The following DLGAP1 variants were observed in gnomAD, a reference collection of about 807,000 sequenced individuals.
The protein encoded by DLGAP1 is DLG associated protein 1.
Under a neutral mutation model 90.8 loss-of-function variants are expected in DLGAP1, and 11 were observed. That is an observed-to-expected ratio of 0.12 (90% CI 0.08 to 0.20). DLGAP1 has a LOEUF of 0.20. DLGAP1 is among the 10% of genes least tolerant of loss of function. The probability of loss-of-function intolerance (pLI) is 1.00; values close to 1 mark genes in which losing one functional copy is unlikely to be tolerated. For missense variants in DLGAP1, 1,050 were observed against 1,333.8 expected (o/e 0.79, Z 3.31); for synonymous variants, 558 against 540.7 (o/e 1.03, Z -0.44).
intron 2 of DLGAP1, among the ~76,000 whole-genome samples, chr18:4,012,897 G>A (rs1286735813): frequency 6.6e-6 from 1 of 151,908 alleles, no homozygotes; most frequent in Non-Finnish European, 1.5e-5. Flanking sequence ...GAGACAGGGG[G>A]TCTCATTATG....
intron 1 of DLGAP1, among the ~76,000 whole-genome samples, chr18:4,437,198 T>A (rs2083420983): frequency 6.6e-6 from 1 of 152,218 alleles, no homozygotes; most frequent in Non-Finnish European, 1.5e-5. Context: ...GACAGAGATT[T>A]TTAATGCAAC....
intron 7 of DLGAP1, among the ~76,000 whole-genome samples, chr18:3,665,802 GCT>G (rs1289136325): frequency 6.6e-6 from 1 of 152,154 alleles, no homozygotes; most frequent in Non-Finnish European, 1.5e-5. Flanking sequence ...ACATTCTGAG[GCT>G]CTGCCCATTT....
In DLGAP1 at chr18:4,164,147, A is replaced by G. The variant is rs188478221; in HGVS notation, c.-266-12860T>C. Among the ~76,000 whole-genome samples the G allele has an allele frequency of 3.1e-3, 473 of 152,294 alleles. 1 individual carries two copies. The highest frequency in any genetic ancestry group is 4.5e-3 in the Non-Finnish European group (309 of 68,026). ...AAGTAGGCCAGAACCTGCACGCTAAACATAACAGTGTGAGTCCTCACTAAA... is the reference window on the plus strand; with the variant it reads ...AAGTAGGCCAGAACCTGCACGCTAAGCATAACAGTGTGAGTCCTCACTAAA... On this transcript the variant is annotated intron_variant, in intron 1 of 12. Coordinates refer to ENST00000315677, the MANE Select transcript of DLGAP1 (RefSeq NM_004746.4).
chr18:3,990,056 A>C (rs1280364211), intron 3 of DLGAP1, among the ~76,000 whole-genome samples: 3 of 152,192 alleles, frequency 2.0e-5, no homozygotes, highest in Admixed American at 6.5e-5. Flanking sequence ...TAGTTCAACC[A>C]TTGTGGAAGT....
intron 1 of DLGAP1, among the ~76,000 whole-genome samples, chr18:4,158,307 A>G (rs890278368): frequency 3.3e-5 from 5 of 152,186 alleles, no homozygotes; most frequent in African/African-American, 9.7e-5. Flanking sequence ...AACATGAAAT[A>G]TCAAATAAAA....
intron 1 of DLGAP1, among the ~76,000 whole-genome samples, chr18:4,312,818 T>C (rs1488465584): frequency 1.3e-5 from 2 of 152,232 alleles, no homozygotes; most frequent in Non-Finnish European, 2.9e-5. Context: ...TCCTAAGTTT[T>C]ACTAGAATTT....
At chr18:4,329,068 T>C (rs1472949545) in intron 1 of DLGAP1, among the ~76,000 whole-genome samples, 1 of 151,936 alleles carries the variant, frequency 6.6e-6, no homozygotes, top group East Asian at 1.9e-4. Flanking sequence ...CATTTTCTTT[T>C]ATGACTTGTG....
intron 1 of DLGAP1, among the ~76,000 whole-genome samples, chr18:4,422,515 T>C (rs2083063220): frequency 6.6e-6 from 1 of 152,034 alleles, no homozygotes; most frequent in Non-Finnish European, 1.5e-5. Flanking sequence ...AAAAAGTGAA[T>C]ATATTTGTTA....
intron 9 of DLGAP1, among the ~76,000 whole-genome samples, chr18:3,540,236 GC>G (rs1207892070): frequency 1.1e-4 from 16 of 151,996 alleles, no homozygotes; most frequent in Non-Finnish European, 7.4e-5. Context: ...GGAAGCCAAG[GC>G]GGGCAGATCA....
intron 2 of DLGAP1, among the ~76,000 whole-genome samples, chr18:4,141,768 T>G (rs115517541): frequency 0.018 from 2,779 of 151,992 alleles, 84 homozygotes; most frequent in African/African-American, 0.061. Flanking sequence ...GATGCATTCT[T>G]CAGTATGTCA....
At chr18:4,410,978 G>A (rs929933319) in intron 1 of DLGAP1, among the ~76,000 whole-genome samples, 10 of 152,134 alleles carry the variant, frequency 6.6e-5, no homozygotes, top group Non-Finnish European at 1.3e-4. Context: ...CCAATAAGTG[G>A]GTGATATGGG....
rs576932949 is a variant in DLGAP1, at chr18:3,919,104, A to G, written c.-72-38964T>C. On this transcript the variant is annotated intron_variant, in intron 3 of 12. Transcript: ENST00000315677. ...CGCCTGGATATAGGTAAGTTGATCAACAAGAAAGATTGGTCAAATGGCTTT... is the reference window on the plus strand; with the variant it reads ...CGCCTGGATATAGGTAAGTTGATCAGCAAGAAAGATTGGTCAAATGGCTTT... Among the ~76,000 whole-genome samples, 5 of 152,370 alleles carry G rather than the reference A, an allele frequency of 3.3e-5. No homozygotes were observed. The East Asian group carries it at 5.8e-4, about 18-fold the overall frequency.
chr18:4,429,425 A>AT (rs2083231132), intron 1 of DLGAP1, among the ~76,000 whole-genome samples: 1 of 152,228 alleles, frequency 6.6e-6, no homozygotes. Context: ...TAAAGTGAAC[A>AT]TTTATAAAGT....
intron 1 of DLGAP1, among the ~76,000 whole-genome samples, chr18:4,322,680 G>T (rs987544783): frequency 6.6e-6 from 1 of 152,120 alleles, no homozygotes; most frequent in Non-Finnish European, 1.5e-5. Flanking sequence ...ACTGCATAGA[G>T]GCCAGACGTG....
chr18:3,801,449 C>G (rs2066289056), intron 5 of DLGAP1, among the ~76,000 whole-genome samples: 1 of 152,136 alleles, frequency 6.6e-6, no homozygotes, highest in South Asian at 2.1e-4. Flanking sequence ...CAATTTGTCT[C>G]TCTCTATCTC....
intron 8 of DLGAP1, among the ~76,000 whole-genome samples, chr18:3,569,308 T>G (rs540490785): frequency 6.6e-6 from 1 of 152,082 alleles, no homozygotes; most frequent in South Asian, 2.1e-4. Flanking sequence ...ACAAAAATAT[T>G]TATTGACTTC....
At chr18:4,316,099 T>G (rs2080520045) in intron 1 of DLGAP1, among the ~76,000 whole-genome samples, 1 of 152,226 alleles carries the variant, frequency 6.6e-6, no homozygotes, top group Admixed American at 6.5e-5. Flanking sequence ...TAACTACTAG[T>G]TGAAAATATG....
At chr18:3,600,793 G>A (rs374217850) in intron 7 of DLGAP1, among the ~76,000 whole-genome samples, 1 of 29,190 alleles carries the variant, frequency 3.4e-5, no homozygotes, top group South Asian at 8.2e-4. Context: ...GATATATATA[G>A]ATATATAGAT....
chr18:4,423,411 T>C (rs1430985889), intron 1 of DLGAP1, among the ~76,000 whole-genome samples: 1 of 152,220 alleles, frequency 6.6e-6, no homozygotes, highest in Non-Finnish European at 1.5e-5. Context: ...ATTCACTGTA[T>C]GACTCTCTCT....
Sources: gnomAD v4.1 joint callset for allele counts (sites outside exome capture counted in the v4.1 genomes callset) on GRCh38, gnomAD v4.1.1 for gene constraint, MANE v1.5 for transcripts, NCBI Gene and HGNC (gene_info 2026-07-23, HGNC 2026-07-21) for gene names.